LCN10: variants seen among roughly 807,000 people sequenced by gnomAD.
The protein encoded by LCN10 is lipocalin 10, also known as epididymal-specific lipocalin-10.
A neutral mutation model predicts 25.1 loss-of-function variants in LCN10; 18 were observed. The observed-to-expected ratio is 0.72, with a 90% CI of 0.50 to 1.06. LCN10 has a LOEUF of 1.06. Ranked by LOEUF, LCN10 falls within the 50% of genes least tolerant of loss-of-function variation. The probability of loss-of-function intolerance (pLI) is 0.00; values close to 1 mark genes in which losing one functional copy is unlikely to be tolerated. For missense variants in LCN10, 257 were observed against 258.9 expected (o/e 0.99, Z 0.05); for synonymous variants, 130 against 116.7 (o/e 1.11, Z -0.73).
intron 2 of LCN10, 107 bp from the exon 3 acceptor site, chr9:136,741,468 G>T (rs1439358241): frequency 2.2e-6 from 2 of 929,046 alleles, no homozygotes; most frequent in Non-Finnish European, 3.3e-6. Context: ...GCTCCCGTGG[G>T]ACCCGGGAAG....
rs991979218 is a variant in LCN10, at chr9:136,738,544, A to G, written c.*981T>C. ...GATCCCCTTGGCCAGAAGAAGGTCC[A>G]TTCATTCAGTTGGGGGGTTCATCTC... On this transcript the variant is annotated 3_prime_UTR_variant, in exon 6 of 6. Transcript: ENST00000497771. 12 of 152,126 alleles carry G rather than the reference A, an allele frequency of 7.9e-5. No individual in the cohort carries two copies. The highest frequency in any genetic ancestry group is 2.7e-4 in the African/African-American group (11 of 41,412). The allele number at this position is 152,126 out of a possible 1,614,324, so 9.4% of individuals were successfully genotyped here.
rs1207125825 is a variant in LCN10, at chr9:136,741,369, C to T, written c.258-8G>A. ...GACTGGCACCCCTTCAACCTGGGGC[C>T]AAGGCGGGGGCTCAGGCTGCAGACC... On this transcript the variant is annotated splice_polypyrimidine_tract_variant and splice_region_variant and intron_variant, in intron 2 of 5. Coordinates refer to ENST00000497771, the MANE Select transcript of LCN10 (RefSeq NM_001001712.3). The T allele has an allele frequency of 1.2e-6, 2 of 1,602,992 alleles. No individual in the cohort carries two copies. Among genetic ancestry groups the T allele is most frequent in the African/African-American group, 2.7e-5 (2 of 74,944 alleles).
chr9:136,742,652 G>C, intron 1 of LCN10, 135 bp downstream of exon 1: 1 of 1,110,440 alleles, frequency 9.0e-7, no homozygotes. Context: ...TGCAGTGGGA[G>C]AGGCCAGGTG....
Position 136,739,904 on chromosome 9 carries a change from C to A in LCN10, c.574+46G>T. 7.1e-7 allele frequency: 1 copy of A among 1,400,386 alleles called. No homozygotes were observed. The highest frequency in any genetic ancestry group is 9.9e-7 in the Non-Finnish European group (1 of 1,007,604). 86.7% of individuals were successfully genotyped at this position (1,400,386 alleles called of 1,614,324 possible). On this transcript the variant is annotated intron_variant, in intron 5 of 5. Coordinates refer to ENST00000497771, the MANE Select transcript of LCN10 (RefSeq NM_001001712.3). This position sits in a 1 kb window ranked among gnomAD's most constrained non-coding sequence, Gnocchi z 6.1. ...CCAATGAATCAGCTCCCCAATGGGACGGGCAGGTAGGGCCAGGAGGGCAAA... is the reference window on the plus strand; with the variant it reads ...CCAATGAATCAGCTCCCCAATGGGAAGGGCAGGTAGGGCCAGGAGGGCAAA...
intron 1 of LCN10, chr9:136,742,317 T>C: frequency 2.2e-6 from 1 of 459,124 alleles, no homozygotes; most frequent in Non-Finnish European, 3.9e-6. Context: ...CATGGCCTCC[T>C]GGGGGCTGGG....
At position 136,739,547 on chromosome 9, in the gene LCN10, CG is replaced by C. The variant is rs1564320905; in HGVS notation, c.580del (p.Arg194ValfsTer44). 3.7e-6 allele frequency: 6 copies of C among 1,600,316 alleles called. No individual in the cohort carries two copies. In the East Asian group the frequency reaches 1.4e-4, roughly 36 times the overall value. ...CTCTCATGGCAGGATGGTGTGTGTA[CG>C]GGACGCTGTGGGAGAGGAAAACAGC... is the stretch of plus-strand genomic sequence containing the variant. ...AAVILPKDAS[R>X]THTILP On this transcript the variant is annotated frameshift_variant, in exon 6 of 6. Transcript: ENST00000497771. LOFTEE classifies it high-confidence loss of function. This position sits in a 1 kb window ranked among gnomAD's most constrained non-coding sequence, Gnocchi z 6.1.
chr9:136,740,246 C>T lies in LCN10; in HGVS notation c.476-198G>A, dbSNP rs1279126634. 8 of 600,814 alleles carry T rather than the reference C, an allele frequency of 1.3e-5. No homozygotes were observed. Among genetic ancestry groups the T allele is most frequent in the Non-Finnish European group, 2.4e-5 (8 of 330,862 alleles). 37.2% of individuals were successfully genotyped at this position (600,814 alleles called of 1,614,324 possible). A position where few individuals can be genotyped will look rare whatever the true frequency, so the allele number is the denominator to read the frequency against. ...GCAGCCAGGCTCGGGAAGCCAGGGT[C>T]ACCACGCTGTCACCTGGGGAACCCT... is the stretch of plus-strand genomic sequence containing the variant. On this transcript the variant is annotated intron_variant, in intron 4 of 5. Transcript: ENST00000497771. This position sits in a 1 kb window ranked among gnomAD's most constrained non-coding sequence, Gnocchi z 5.3.
rs371033496 is a variant in LCN10 at position 136,742,142 on chromosome 9, C to T, written c.118-122G>A. On this transcript the variant is annotated intron_variant, in intron 1 of 5. Coordinates refer to ENST00000497771, the MANE Select transcript of LCN10 (RefSeq NM_001001712.3). ...CTTCTGTGAGCCGGAGTCCCAGCTC[C>T]GCCCAGGTGCCGCCTCGGTCCCGGC... The T allele has an allele frequency of 1.9e-5, 24 of 1,262,840 alleles. No homozygotes were observed. The East Asian group carries it at 2.0e-4, about 11-fold the overall frequency. The allele number at this position is 1,262,840 out of a possible 1,614,324, so 78.2% of individuals were successfully genotyped here.
intron 1 of LCN10, chr9:136,742,294 C>G (rs546959406): frequency 6.2e-6 from 3 of 484,100 alleles, no homozygotes; most frequent in East Asian, 7.3e-5. Flanking sequence ...TCAGAGGCCC[C>G]GGCTCCTTCC....
intron 1 of LCN10, 71 bp downstream of exon 1, chr9:136,742,716 G>C: frequency 6.4e-7 from 1 of 1,561,442 alleles, no homozygotes; most frequent in Non-Finnish European, 8.7e-7. Flanking sequence ...CGGCTGCCGG[G>C]AGACTGTGCA....
At position 136,739,878 on chromosome 9, in the gene LCN10, C is replaced by G. The variant is rs1256209878; in HGVS notation, c.574+72G>C. ...AATGGATCCTTTCATCTCTCCTTCC[C>G]CCAATGAATCAGCTCCCCAATGGGA... On this transcript the variant is annotated intron_variant, in intron 5 of 5. Transcript: ENST00000497771. The surrounding 1 kb of genome is among the most constrained non-coding windows in gnomAD (Gnocchi z 6.1). The G allele has an allele frequency of 5.0e-6, 6 of 1,196,716 alleles. No homozygotes were observed. Among genetic ancestry groups the G allele is most frequent in the Non-Finnish European group, 7.3e-6 (6 of 823,032 alleles). The allele number at this position is 1,196,716 out of a possible 1,614,324, so 74.1% of individuals were successfully genotyped here. A position where few individuals can be genotyped will look rare whatever the true frequency, so the allele number is the denominator to read the frequency against.
Position 136,739,761 on chromosome 9 carries a change from C to G in LCN10, c.574+189G>C, listed in dbSNP as rs540255618. On this transcript the variant is annotated intron_variant, in intron 5 of 5. Transcript: ENST00000497771. This position sits in a 1 kb window ranked among gnomAD's most constrained non-coding sequence, Gnocchi z 6.1. ...ATCTGCTCCGGACGCCTCTCGCTGT[C>G]GGTGCCAGGCCTGCCAGGCCAAGCC... 1 of 739,186 alleles carries G rather than the reference C, an allele frequency of 1.4e-6. No homozygotes were observed. The highest frequency in any genetic ancestry group is 2.2e-5 in the Admixed American group (1 of 45,956). 45.8% of individuals were successfully genotyped at this position (739,186 alleles called of 1,614,324 possible). A position where few individuals can be genotyped will look rare whatever the true frequency, so the allele number is the denominator to read the frequency against.
intron 3 of LCN10, 136 bp from the exon 4 acceptor site, chr9:136,741,079 C>A: frequency 1.0e-6 from 1 of 987,968 alleles, no homozygotes; most frequent in Non-Finnish European, 1.5e-6. Flanking sequence ...AGTGCCCTCC[C>A]GGGGCCTCCC....
At position 136,741,886 on chromosome 9, in the gene LCN10, G is replaced by A. The variant is rs1846943725; in HGVS notation, c.252C>T (p.Phe84=). ...GGGGGGCGCTGCCCACTCACCGTCT[G>A]AAGGCGAGGAGCACGCGGAGCTGGC... ...KVGQLRVLLA[F]RRLKGCQSQE... is the part of the protein sequence containing the mutation. Residue 84 remains phenylalanine, a synonymous_variant, in exon 2 of 6, where the codon TTC becomes TTT. Transcript: ENST00000497771. 6.2e-7 allele frequency: 1 copy of A among 1,605,524 alleles called. No homozygotes were observed. The highest frequency in any genetic ancestry group is 2.2e-5 in the East Asian group (1 of 44,584).
At chr9:136,742,550 A>T in intron 1 of LCN10, 1 of 572,872 alleles carries the variant, frequency 1.7e-6, no homozygotes, top group South Asian at 2.3e-5. Context: ...GGGCCCCTCC[A>T]CCCTGGCCCT....
chr9:136,741,359 A>T lies in LCN10; in HGVS notation c.260T>A (p.Leu87Ter). 6.2e-7 allele frequency: 1 copy of T among 1,609,952 alleles called. No homozygotes were observed. The highest frequency in any genetic ancestry group is 8.5e-7 in the Non-Finnish European group (1 of 1,178,766). The change falls in exon 3 of 6, where the codon TTG becomes TAG. Residue 87 changes from leucine (L) to a stop codon, truncating the protein, a stop_gained and splice_region_variant. Coordinates refer to ENST00000497771, the MANE Select transcript of LCN10 (RefSeq NM_001001712.3). LOFTEE classifies it high-confidence loss of function. ...QLRVLLAFRR[L>*]KGCQSQEVIL... ...CACCTCCTGGGACTGGCACCCCTTC[A>T]ACCTGGGGCCAAGGCGGGGGCTCAG...
Position 136,739,476 on chromosome 9 carries a change from G to A in LCN10, c.*49C>T, listed in dbSNP as rs951050068. On this transcript the variant is annotated 3_prime_UTR_variant, in exon 6 of 6. Transcript: ENST00000497771. This position sits in a 1 kb window ranked among gnomAD's most constrained non-coding sequence, Gnocchi z 6.1. ...TTGACATCTGGAACAACGCTCCTCG[G>A]GTCTGGGAGGACCACGCGTCGAAAG... 1.9e-6 allele frequency: 3 copies of A among 1,567,730 alleles called. No homozygotes were observed. Among genetic ancestry groups the A allele is most frequent in the Non-Finnish European group, 2.6e-6 (3 of 1,155,822 alleles).
chr9:136,739,332 G>C lies in LCN10; in HGVS notation c.*193C>G, dbSNP rs1846883910. On this transcript the variant is annotated 3_prime_UTR_variant, in exon 6 of 6. Transcript: ENST00000497771. The surrounding 1 kb of genome is among the most constrained non-coding windows in gnomAD (Gnocchi z 6.1). ...TGGCTGACATCTCGCCACCCGGTCAGCCTGTATCCTCCTTCCCCCATCTTT... is the reference window on the plus strand; with the variant it reads ...TGGCTGACATCTCGCCACCCGGTCACCCTGTATCCTCCTTCCCCCATCTTT... The C allele has an allele frequency of 3.2e-6, 2 of 615,466 alleles. No individual in the cohort carries two copies. The highest frequency in any genetic ancestry group is 5.1e-5 in the Admixed American group (2 of 39,398). 38.1% of individuals were successfully genotyped at this position (615,466 alleles called of 1,614,324 possible).
rs373743384 is a variant in LCN10 at position 136,741,352 on chromosome 9, C to T, written c.267G>A (p.Gly89=). 1 of 1,611,518 alleles carries T rather than the reference C, an allele frequency of 6.2e-7. No individual in the cohort carries two copies. The highest frequency in any genetic ancestry group is 1.3e-5 in the African/African-American group (1 of 74,936). Residue 89 remains glycine, a synonymous_variant, in exon 3 of 6, where the codon GGG becomes GGA. Transcript: ENST00000497771. ...RVLLAFRRLK[G]CQSQEVILRK... ...TCAGGATCACCTCCTGGGACTGGCA[C>T]CCCTTCAACCTGGGGCCAAGGCGGG...
Sources: allele counts gnomAD v4.1 joint callset, GRCh38; gene constraint gnomAD v4.1.1; non-coding constraint Gnocchi (gnomAD v3.1); transcripts MANE v1.5; gene names NCBI Gene and HGNC (gene_info 2026-07-23, HGNC 2026-07-21).